Variants in TJP1 observed in about 807,000 individuals in gnomAD.
The protein encoded by TJP1 is tight junction protein ZO-1.
A neutral mutation model predicts 194.2 loss-of-function variants in TJP1; 43 were observed. That is an observed-to-expected ratio of 0.22 (90% CI 0.17 to 0.29). The LOEUF (loss-of-function observed/expected upper bound fraction) is 0.29. Among genes scored for constraint, TJP1 ranks in the 10% least tolerant of loss-of-function variants. The probability of loss-of-function intolerance (pLI) is 1.00; values close to 1 mark genes in which losing one functional copy is unlikely to be tolerated. For synonymous variants in TJP1, 801 were observed against 779.0 expected (o/e 1.03, Z -0.47); for missense variants, 1,971 against 2,185.7 (o/e 0.90, Z 1.96).
chr15:29,925,160 TCAGAGGGG>T (rs1331646977), intron 2 of TJP1, among the ~76,000 whole-genome samples: 10 of 152,360 alleles, frequency 6.6e-5, no homozygotes, highest in Admixed American at 2.6e-4. Context: ...AAAGCGTGAT[TCAGAGGGG>T]CAGCAACCAG....
intron 2 of TJP1, among the ~76,000 whole-genome samples, chr15:29,887,979 T>C (rs1380805139): frequency 2.0e-5 from 3 of 152,074 alleles, no homozygotes; most frequent in Non-Finnish European, 4.4e-5. Context: ...ACAATCCACA[T>C]ATAATAAATA....
At chr15:29,787,601 T>C (rs986585327) in intron 2 of TJP1, among the ~76,000 whole-genome samples, 4 of 152,220 alleles carry the variant, frequency 2.6e-5, no homozygotes, top group Admixed American at 2.6e-4. Context: ...TCACATAATA[T>C]ATGTTCTTTT....
rs764172317 is a variant in TJP1 at position 29,705,661 on chromosome 15, G to A, written c.4935C>T (p.Gly1645=). The A allele has an allele frequency of 7.4e-6, 12 of 1,613,950 alleles. No individual in the cohort carries two copies. Among genetic ancestry groups the A allele is most frequent in the African/African-American group, 6.7e-5 (5 of 74,894 alleles). The change falls in exon 26 of 28, where the codon GGC becomes GGT. Residue 1645 remains glycine (G), a synonymous_variant. Transcript: ENST00000614355. ...CACCAGTTTCTATGGAACTCAGCAC[G>A]CCCCCATTGCTGTTAAATATGCCTC... ...TARGIFNSNG[G]VLSSIETGVS...
At chr15:29,912,491 C>G (rs2054047021) in intron 2 of TJP1, among the ~76,000 whole-genome samples, 1 of 152,096 alleles carries the variant, frequency 6.6e-6, no homozygotes, top group Non-Finnish European at 1.5e-5. Context: ...AGGCGGATCA[C>G]AAGGTCAGGA....
chr15:29,808,561 A>G (rs1018345503), intron 1 of TJP1, among the ~76,000 whole-genome samples: 1 of 152,194 alleles, frequency 6.6e-6, no homozygotes, highest in Non-Finnish European at 1.5e-5. Context: ...AAATAAATCA[A>G]ATATGCTTCC....
intron 2 of TJP1, among the ~76,000 whole-genome samples, chr15:29,941,299 G>A (rs1391015455): frequency 3.9e-5 from 6 of 152,106 alleles, no homozygotes; most frequent in Admixed American, 3.3e-4. Flanking sequence ...CTGGCCCCTC[G>A]CCTTCTGACT....
chr15:29,915,037 T>C (rs1271130277), intron 2 of TJP1, among the ~76,000 whole-genome samples: 1 of 152,130 alleles, frequency 6.6e-6, no homozygotes, highest in Non-Finnish European at 1.5e-5. Context: ...TGGAAATGCA[T>C]GATGGAGGTA....
chr15:29,737,879 G>A (rs530732348), intron 10 of TJP1, among the ~76,000 whole-genome samples: 4 of 152,146 alleles, frequency 2.6e-5, no homozygotes, highest in Non-Finnish European at 5.9e-5. Context: ...CAAGCATTGT[G>A]ATTTCTACAT....
chr15:29,740,446 C>A (rs959386565), intron 10 of TJP1, among the ~76,000 whole-genome samples: 2 of 151,748 alleles, frequency 1.3e-5, no homozygotes, highest in Non-Finnish European at 2.9e-5. Flanking sequence ...GGCAATGCGG[C>A]GAAACAAAAC....
intron 22 of TJP1, 89 bp downstream of exon 22, chr15:29,717,932 C>G: frequency 9.0e-7 from 1 of 1,114,474 alleles, no homozygotes; most frequent in South Asian, 1.4e-5. Context: ...CACCTCTCCT[C>G]TACTAACACA....
intron 10 of TJP1, among the ~76,000 whole-genome samples, chr15:29,739,817 A>G (rs988518860): frequency 1.4e-4 from 21 of 152,118 alleles, no homozygotes; most frequent in African/African-American, 4.6e-4. Flanking sequence ...AATTCCCAAG[A>G]AAGGAAAAGA....
chr15:29,959,109 C>T (rs1241924578), intron 1 of TJP1, among the ~76,000 whole-genome samples: 1 of 151,916 alleles, frequency 6.6e-6, no homozygotes, highest in East Asian at 1.9e-4. Flanking sequence ...CCTGCCTCAG[C>T]CTCCCGGGCA....
intron 8 of TJP1, among the ~76,000 whole-genome samples, chr15:29,749,323 C>T (rs978007097): frequency 1.3e-5 from 2 of 152,140 alleles, no homozygotes; most frequent in African/African-American, 4.8e-5. Context: ...TTAAGCAGAG[C>T]CTACTTTAGG....
rs1229574239 is a variant in TJP1, at chr15:29,958,985, GTTT to G, written c.174-2624_174-2622del. ...AAATTCTAAATTTCTAAAGTAGCTA[GTTT>G]TTTTTTTTTGTTTTTTTTTGAGTCG... On this transcript the variant is annotated intron_variant, in intron 1 of 28. Transcript: ENST00000356107. 2.8e-5 allele frequency among the ~76,000 whole-genome samples: 4 copies of G among 142,166 alleles called. No individual in the cohort carries two copies. In the East Asian group the frequency reaches 6.0e-4, roughly 21 times the overall value. 93.3% of individuals were successfully genotyped at this position (142,166 alleles called of 152,430 possible). A position where few individuals can be genotyped will look rare whatever the true frequency, so the allele number is the denominator to read the frequency against.
At chr15:29,779,185 C>T (rs1237219705) in intron 2 of TJP1, among the ~76,000 whole-genome samples, 1 of 152,104 alleles carries the variant, frequency 6.6e-6, no homozygotes, top group Non-Finnish European at 1.5e-5. Flanking sequence ...TTAAGACCAC[C>T]GAACCTTCAA....
chr15:29,768,008 ATCT>A (rs2046428817), intron 4 of TJP1, among the ~76,000 whole-genome samples: 2 of 151,956 alleles, frequency 1.3e-5, no homozygotes, highest in African/African-American at 4.8e-5. Flanking sequence ...CCCCCAATTA[ATCT>A]TCTATTTCTC....
At chr15:29,739,513 G>C (rs1432445606) in intron 10 of TJP1, among the ~76,000 whole-genome samples, 1 of 152,076 alleles carries the variant, frequency 6.6e-6, no homozygotes, top group Admixed American at 6.5e-5. Flanking sequence ...GCGCGATCTC[G>C]GCTCACTGCA....
intron 2 of TJP1, among the ~76,000 whole-genome samples, chr15:29,885,753 C>A (rs972498031): frequency 1.3e-5 from 2 of 152,172 alleles, no homozygotes; most frequent in African/African-American, 4.8e-5. Flanking sequence ...CAGTAAAGAG[C>A]AATCCTTTAA....
chr15:29,850,547 G>A (rs994745995), intron 2 of TJP1, among the ~76,000 whole-genome samples: 2 of 151,978 alleles, frequency 1.3e-5, no homozygotes, highest in African/African-American at 4.8e-5. Flanking sequence ...ATGTTGGCCA[G>A]GCTGGTCTTG....
Sources: gnomAD v4.1 joint callset for allele counts (sites outside exome capture counted in the v4.1 genomes callset) on GRCh38, gnomAD v4.1.1 for gene constraint, MANE v1.5 for transcripts, NCBI Gene and HGNC (gene_info 2026-07-23, HGNC 2026-07-21) for gene names.